The following CADPS2 variants were observed in gnomAD, a reference collection of about 807,000 sequenced individuals.
CADPS2 encodes the protein calcium-dependent secretion activator 2.
A neutral mutation model predicts 172.5 loss-of-function variants in CADPS2; 93 were observed. The ratio of observed to expected loss-of-function variants is 0.54; its 90% CI spans 0.46 to 0.64. The LOEUF (loss-of-function observed/expected upper bound fraction) is 0.64. Among genes scored for constraint, CADPS2 ranks in the 30% least tolerant of loss-of-function variants. The probability of loss-of-function intolerance (pLI) is 0.00; values close to 1 mark genes in which losing one functional copy is unlikely to be tolerated. For missense variants in CADPS2, 1,420 were observed against 1,565.9 expected (o/e 0.91, Z 1.57); for synonymous variants, 546 against 555.2 (o/e 0.98, Z 0.23).
chr7:122,436,520 T>G, intron 17 of CADPS2: 1 of 277,976 alleles, frequency 3.6e-6, no homozygotes, highest in South Asian at 4.0e-5. Flanking sequence ...TACTTTTTTT[T>G]TCTTTTTTAA....
At chr7:122,725,254 C>T (rs1033535939) in intron 2 of CADPS2, among the ~76,000 whole-genome samples, 3 of 151,946 alleles carry the variant, frequency 2.0e-5, no homozygotes, top group African/African-American at 7.2e-5. Flanking sequence ...CATCCTAGTT[C>T]ACAGACCCCC....
chr7:122,623,057 T>C (rs1338161875), intron 4 of CADPS2, among the ~76,000 whole-genome samples: 3 of 152,154 alleles, frequency 2.0e-5, no homozygotes, highest in African/African-American at 7.2e-5. Context: ...AAAATTAAAA[T>C]TGCATAATGT....
At chr7:122,829,392 C>T (rs926517416) in intron 1 of CADPS2, among the ~76,000 whole-genome samples, 8 of 152,258 alleles carry the variant, frequency 5.3e-5, no homozygotes, top group African/African-American at 1.7e-4. Flanking sequence ...AAGGAAACAT[C>T]GCTGGATCAA....
At chr7:122,622,591 G>C (rs990009985) in intron 4 of CADPS2, among the ~76,000 whole-genome samples, 4 of 152,132 alleles carry the variant, frequency 2.6e-5, no homozygotes, top group African/African-American at 9.7e-5. Flanking sequence ...AGAGCACTTT[G>C]TTCCCTCACA....
chr7:122,825,797 GTATAA>G (rs1804709233), intron 1 of CADPS2, among the ~76,000 whole-genome samples: 1 of 152,088 alleles, frequency 6.6e-6, no homozygotes, highest in African/African-American at 2.4e-5. Flanking sequence ...CAATACTACA[GTATAA>G]TATTACAACC....
At chr7:122,838,615 G>A (rs1228224199) in intron 1 of CADPS2, among the ~76,000 whole-genome samples, 1 of 152,110 alleles carries the variant, frequency 6.6e-6, no homozygotes, top group African/African-American at 2.4e-5. Context: ...AAAATCACAA[G>A]CATTCTTATA....
intron 1 of CADPS2, among the ~76,000 whole-genome samples, chr7:122,869,315 T>C (rs1819128633): frequency 6.6e-6 from 1 of 152,042 alleles, no homozygotes; most frequent in African/African-American, 2.4e-5. Context: ...AGAGAAAATA[T>C]TGAAAAATCT....
At chr7:122,721,596 A>T (rs1399984294) in intron 2 of CADPS2, among the ~76,000 whole-genome samples, 7 of 152,308 alleles carry the variant, frequency 4.6e-5, no homozygotes, top group Non-Finnish European at 7.3e-5. Context: ...TCACAGCCGA[A>T]TTCTACCAGA....
chr7:122,645,424 TGTGTATATATGTATATATACACAC>T (rs1303170774), intron 3 of CADPS2, among the ~76,000 whole-genome samples: 3 of 106,912 alleles, frequency 2.8e-5, no homozygotes, highest in African/African-American at 3.1e-5. Context: ...CATGTATATG[TGTGTATATATGTATATATACACAC>T]ACATATGTAT....
intron 9 of CADPS2, among the ~76,000 whole-genome samples, chr7:122,511,601 G>C (rs375727026): frequency 2.6e-4 from 39 of 152,196 alleles, no homozygotes; most frequent in African/African-American, 8.4e-4. Flanking sequence ...ACCTATGCTT[G>C]CTAAGTTAGC....
intron 14 of CADPS2, among the ~76,000 whole-genome samples, chr7:122,457,082 C>A (rs1281231426): frequency 1.3e-5 from 2 of 152,106 alleles, no homozygotes; most frequent in African/African-American, 4.8e-5. Flanking sequence ...TCATCCTAAT[C>A]CATTTTCTAT....
At chr7:122,725,513 G>C (rs987002147) in intron 2 of CADPS2, among the ~76,000 whole-genome samples, 1 of 151,280 alleles carries the variant, frequency 6.6e-6, no homozygotes, top group Admixed American at 6.6e-5. Context: ...TAGTGTACAC[G>C]TACCCAATAG....
chr7:122,375,268 A>G (rs1003861334), intron 25 of CADPS2, among the ~76,000 whole-genome samples: 1 of 152,142 alleles, frequency 6.6e-6, no homozygotes, highest in Non-Finnish European at 1.5e-5. Flanking sequence ...AAAAGAATAA[A>G]TTGGAGGCAC....
At chr7:122,374,043 A>G (rs1299817537) in intron 25 of CADPS2, among the ~76,000 whole-genome samples, 1 of 152,180 alleles carries the variant, frequency 6.6e-6, no homozygotes, top group Non-Finnish European at 1.5e-5. Flanking sequence ...ACATTAAAAA[A>G]TCATACACCA....
At chr7:122,383,206 T>C (rs2043224176) in intron 24 of CADPS2, among the ~76,000 whole-genome samples, 1 of 152,070 alleles carries the variant, frequency 6.6e-6, no homozygotes, top group South Asian at 2.1e-4. Flanking sequence ...CTGGAGGCTA[T>C]AATCCTAAGT....
intron 6 of CADPS2, among the ~76,000 whole-genome samples, chr7:122,597,318 A>G (rs2133372193): frequency 6.6e-6 from 1 of 152,228 alleles, no homozygotes; most frequent in Middle Eastern, 3.4e-3. Flanking sequence ...TAAAATAACT[A>G]TCATTATATC....
At chr7:122,472,520 C>T (rs2056112805) in intron 13 of CADPS2, among the ~76,000 whole-genome samples, 1 of 152,158 alleles carries the variant, frequency 6.6e-6, no homozygotes, top group Non-Finnish European at 1.5e-5. Flanking sequence ...TCATCTGCCT[C>T]CAAAACACTT....
At chr7:122,484,883 CACGTGCTCATATCATG>C (rs200952388) in intron 11 of CADPS2, among the ~76,000 whole-genome samples, 4,428 of 152,054 alleles carry the variant, frequency 0.029, 80 homozygotes, top group South Asian at 0.057. Context: ...TTTTTAACAA[CACGTGCTCATATCATG>C]ACGTGCTCAT....
intron 6 of CADPS2, among the ~76,000 whole-genome samples, chr7:122,608,449 T>C (rs1245050703): frequency 1.3e-5 from 2 of 152,304 alleles, no homozygotes; most frequent in Admixed American, 6.5e-5. Flanking sequence ...GCCATTCTGA[T>C]AAGCATTCCA....
Sources: gnomAD v4.1 joint callset for allele counts (sites outside exome capture counted in the v4.1 genomes callset) on GRCh38, gnomAD v4.1.1 for gene constraint, MANE v1.5 for transcripts, NCBI Gene and HGNC (gene_info 2026-07-23, HGNC 2026-07-21) for gene names.